Variants in RORA observed in about 807,000 individuals in gnomAD.
RORA encodes the protein RAR related orphan receptor A.
In RORA, 7 loss-of-function variants were observed where a neutral mutation model predicts 69.5. That is an observed-to-expected ratio of 0.10 (90% CI 0.06 to 0.19). The LOEUF (loss-of-function observed/expected upper bound fraction) is 0.19. Ranked by LOEUF, RORA falls within the 10% of genes least tolerant of loss-of-function variation. RORA has a pLI of 1.00. For missense variants in RORA, 457 were observed against 663.0 expected (o/e 0.69, Z 3.41); for synonymous variants, 261 against 240.8 (o/e 1.08, Z -0.78).
intron 1 of RORA, among the ~76,000 whole-genome samples, chr15:61,082,361 CACATGTAATCCCA>C (rs1416633567): frequency 6.6e-6 from 1 of 152,124 alleles, no homozygotes; most frequent in Admixed American, 6.5e-5. Flanking sequence ...TGGTGGTGGG[CACATGTAATCCCA>C]GTGACTCAGG....
At chr15:60,915,007 C>T (rs1341702193) in intron 1 of RORA, among the ~76,000 whole-genome samples, 1 of 152,174 alleles carries the variant, frequency 6.6e-6, no homozygotes, top group Non-Finnish European at 1.5e-5. Context: ...GGTGATCATG[C>T]CTTTCCGAAT....
chr15:60,617,509 C>G (rs1046345209), intron 2 of RORA, among the ~76,000 whole-genome samples: 1 of 152,102 alleles, frequency 6.6e-6, no homozygotes, highest in Non-Finnish European at 1.5e-5. Flanking sequence ...TAGACTCCCC[C>G]GGAGGGACTG....
chr15:60,947,811 AGAT>A (rs939450259), intron 1 of RORA, among the ~76,000 whole-genome samples: 15 of 151,082 alleles, frequency 9.9e-5, no homozygotes, highest in African/African-American at 3.7e-4. Context: ...CCGCAGTGGG[AGAT>A]GGTACCTAAA....
chr15:60,641,689 G>A (rs2069947137), intron 2 of RORA, among the ~76,000 whole-genome samples: 1 of 152,178 alleles, frequency 6.6e-6, no homozygotes, highest in Non-Finnish European at 1.5e-5. Context: ...GGGATTACAG[G>A]CATGAACCAC....
At chr15:60,858,198 C>A (rs2073400789) in intron 1 of RORA, among the ~76,000 whole-genome samples, 1 of 152,124 alleles carries the variant, frequency 6.6e-6, no homozygotes, top group African/African-American at 2.4e-5. Context: ...AGCTGTGTTT[C>A]CCTGGGTCTC....
chr15:61,059,926 G>GAAC (rs2078149884), intron 1 of RORA, among the ~76,000 whole-genome samples: 1 of 129,328 alleles, frequency 7.7e-6, no homozygotes, highest in Non-Finnish European at 1.7e-5. Context: ...AGAAGAAGAA[G>GAAC]AAGAAGAACA....
intron 1 of RORA, among the ~76,000 whole-genome samples, chr15:61,016,509 G>A (rs1895294118): frequency 6.6e-6 from 1 of 152,182 alleles, no homozygotes; most frequent in Non-Finnish European, 1.5e-5. Context: ...GGCTCTCCAA[G>A]AAGAGGTAAA....
Position 60,718,530 on chromosome 15 carries a change from G to A in RORA, c.167-39844C>T, listed in dbSNP as rs191080742. Among the ~76,000 whole-genome samples, 265 of 152,346 alleles carry A rather than the reference G, an allele frequency of 1.7e-3. 1 individual carries two copies. Among genetic ancestry groups the A allele is most frequent in the African/African-American group, 4.5e-3 (188 of 41,570 alleles). On this transcript the variant is annotated intron_variant, in intron 1 of 10. Transcript: ENST00000335670. ...CTAAATGAATGAAAGGTATCCGTCT[G>A]TGGTTTAATCACATTCGATTGAATA...
chr15:60,939,537 A>G (rs75569676), intron 1 of RORA, among the ~76,000 whole-genome samples: 4 of 152,332 alleles, frequency 2.6e-5, no homozygotes, highest in Non-Finnish European at 4.4e-5. Flanking sequence ...ATTTACCACT[A>G]TGCGACCTGG....
Position 60,531,966 on chromosome 15 carries a change from C to T in RORA, c.197-115G>A. ...TAATAACCTGCTAAACATTATACTGCATTAACTATTCATTGCTGAACTGTG... is the reference window on the plus strand; with the variant it reads ...TAATAACCTGCTAAACATTATACTGTATTAACTATTCATTGCTGAACTGTG... On this transcript the variant is annotated intron_variant, in intron 2 of 10. Transcript: ENST00000335670. This position sits in a 1 kb window ranked among gnomAD's most constrained non-coding sequence, Gnocchi z 4.8. 1.7e-6 allele frequency: 1 copy of T among 601,398 alleles called. No homozygotes were observed. Among genetic ancestry groups the T allele is most frequent in the Non-Finnish European group, 2.9e-6 (1 of 347,496 alleles). The allele number at this position is 601,398 out of a possible 1,614,324, so 37.3% of individuals were successfully genotyped here. A position where few individuals can be genotyped will look rare whatever the true frequency, so the allele number is the denominator to read the frequency against.
chr15:60,578,546 A>C (rs1356490022), intron 2 of RORA, among the ~76,000 whole-genome samples: 1 of 152,174 alleles, frequency 6.6e-6, no homozygotes, highest in African/African-American at 2.4e-5. Context: ...ATTAAGTGGC[A>C]TTCCATTCAA....
intron 1 of RORA, among the ~76,000 whole-genome samples, chr15:60,797,935 G>A (rs867610404): frequency 1.3e-5 from 2 of 152,094 alleles, no homozygotes; most frequent in Admixed American, 6.5e-5. Flanking sequence ...GGTGGTGCAC[G>A]GAAAGCTTTA....
intron 1 of RORA, among the ~76,000 whole-genome samples, chr15:61,031,612 G>A (rs1398355965): frequency 6.6e-6 from 1 of 152,138 alleles, no homozygotes; most frequent in African/African-American, 2.4e-5. Flanking sequence ...TATATCTACT[G>A]ACTTTTAGAG....
intron 1 of RORA, among the ~76,000 whole-genome samples, chr15:61,167,154 G>A (rs926816087): frequency 3.9e-5 from 6 of 152,174 alleles, no homozygotes; most frequent in Admixed American, 1.3e-4. Context: ...TGAAACGAGA[G>A]CTTCTGTAAA....
At chr15:60,741,964 TC>T (rs2071581134) in intron 1 of RORA, among the ~76,000 whole-genome samples, 1 of 152,110 alleles carries the variant, frequency 6.6e-6, no homozygotes, top group Admixed American at 6.5e-5. Context: ...GCGAGTTCCT[TC>T]CCTCTCCACT....
At chr15:61,225,798 T>A (rs2080140359) in intron 1 of RORA, among the ~76,000 whole-genome samples, 1 of 152,198 alleles carries the variant, frequency 6.6e-6, no homozygotes, top group Non-Finnish European at 1.5e-5. Flanking sequence ...CTCCCTGAAG[T>A]CCCTGAAAGC....
At chr15:61,212,799 C>G (rs1305231578) in intron 1 of RORA, among the ~76,000 whole-genome samples, 2 of 152,116 alleles carry the variant, frequency 1.3e-5, no homozygotes. Context: ...CTTCAATTTC[C>G]CAACCACACC....
intron 3 of RORA, among the ~76,000 whole-genome samples, chr15:60,526,961 ATTGT>A (rs1205369778): frequency 6.6e-6 from 1 of 152,180 alleles, no homozygotes; most frequent in African/African-American, 2.4e-5. Context: ...AGCCTTTTTT[ATTGT>A]TTAAGAAAAT....
At chr15:60,518,678 G>A (rs1004936948) in intron 3 of RORA, among the ~76,000 whole-genome samples, 3 of 152,172 alleles carry the variant, frequency 2.0e-5, no homozygotes, top group Non-Finnish European at 4.4e-5. Flanking sequence ...TCCTAGCGCC[G>A]TCTGTAATGA....
Sources: allele counts gnomAD v4.1 joint callset (sites outside exome capture counted in the v4.1 genomes callset), GRCh38; gene constraint gnomAD v4.1.1; non-coding constraint Gnocchi (gnomAD v3.1); transcripts MANE v1.5; gene names NCBI Gene and HGNC (gene_info 2026-07-23, HGNC 2026-07-21).